Variants in SLC25A42 observed in about 807,000 individuals in gnomAD.
SLC25A42 encodes the protein mitochondrial coenzyme A transporter SLC25A42.
Under a neutral mutation model 34.7 loss-of-function variants are expected in SLC25A42, and 19 were observed. That is an observed-to-expected ratio of 0.55 (90% CI 0.38 to 0.80). The LOEUF is 0.80. SLC25A42 is among the 30% of genes least tolerant of loss of function. The pLI is 0.00. For synonymous variants in SLC25A42, 205 were observed against 191.2 expected (o/e 1.07, Z -0.59); for missense variants, 364 against 441.3 (o/e 0.82, Z 1.57).
At position 19,081,743 on chromosome 19, in the gene SLC25A42, C is replaced by T. The variant is rs1312264302; in HGVS notation, c.-34-14348C>T. On this transcript the variant is annotated intron_variant, in intron 1 of 7. Transcript: ENST00000318596. This position sits in a 1 kb window ranked among gnomAD's most constrained non-coding sequence, Gnocchi z 4.5. ...ACTGCAGCCTACCGTCCAGGCCCTA[C>T]GCTGTCACCCGAGTGGTCCCGTGGT... 6.6e-6 allele frequency among the ~76,000 whole-genome samples: 1 copy of T among 152,236 alleles called. No homozygotes were observed. The highest frequency in any genetic ancestry group is 1.5e-5 in the Non-Finnish European group (1 of 68,040).
At chr19:19,090,037 T>G (rs1014094671) in intron 1 of SLC25A42, among the ~76,000 whole-genome samples, 3 of 152,186 alleles carry the variant, frequency 2.0e-5, no homozygotes, top group African/African-American at 7.2e-5. Flanking sequence ...AGGCAAAAAT[T>G]TTGACAAGTG....
intron 2 of SLC25A42, among the ~76,000 whole-genome samples, chr19:19,097,033 T>C (rs2059769336): frequency 6.6e-6 from 1 of 152,178 alleles, no homozygotes; most frequent in Non-Finnish European, 1.5e-5. Flanking sequence ...AAGTCCACAA[T>C]TCCACTGAAG....
chr19:19,106,951 A>G (rs2059834015), intron 6 of SLC25A42: 1 of 151,210 alleles, frequency 6.6e-6, no homozygotes, highest in Admixed American at 6.6e-5. Flanking sequence ...AAAAAAAAAA[A>G]AAAAAAAAAA....
chr19:19,092,901 G>A (rs1032202572), intron 1 of SLC25A42, among the ~76,000 whole-genome samples: 12 of 152,144 alleles, frequency 7.9e-5, no homozygotes, highest in African/African-American at 1.9e-4. Flanking sequence ...TGATTGTTGT[G>A]GGGGGCGGAG....
At chr19:19,073,749 T>G (rs955236035) in intron 1 of SLC25A42, among the ~76,000 whole-genome samples, 3 of 152,164 alleles carry the variant, frequency 2.0e-5, no homozygotes, top group Non-Finnish European at 4.4e-5. Context: ...AATTTTTGTA[T>G]TTTTAGTAGA....
At chr19:19,099,289 G>A (rs532742521) in intron 2 of SLC25A42, among the ~76,000 whole-genome samples, 72 of 152,254 alleles carry the variant, frequency 4.7e-4, no homozygotes, top group Admixed American at 2.1e-3. Context: ...CAAAATCGCT[G>A]TGCAATCTGT....
chr19:19,110,109 G>T (rs895632010), intron 7 of SLC25A42, among the ~76,000 whole-genome samples: 1 of 152,176 alleles, frequency 6.6e-6, no homozygotes, highest in Non-Finnish European at 1.5e-5. Flanking sequence ...CACTTTGGGA[G>T]GCCGAGGCAG....
chr19:19,064,377 GT>G (rs1265062425), intron 1 of SLC25A42, among the ~76,000 whole-genome samples: 1 of 151,046 alleles, frequency 6.6e-6, no homozygotes, highest in African/African-American at 2.4e-5. Flanking sequence ...CTGGGGCCTT[GT>G]CCCCGGCGCC....
In SLC25A42 at chr19:19,112,086, T is replaced by C. The variant is rs1021876889; in HGVS notation, c.*1210T>C. On this transcript the variant is annotated 3_prime_UTR_variant, in exon 8 of 8. Transcript: ENST00000318596. This position sits in a 1 kb window ranked among gnomAD's most constrained non-coding sequence, Gnocchi z 4.3. ...GACATGGTGAGTTTCTTGATTTCTT[T>C]TTTTTGTTTGTTTTGTTTTGGTTTT... is the stretch of plus-strand genomic sequence containing the variant. The C allele has an allele frequency of 1.3e-5, 2 of 152,264 alleles. No individual in the cohort carries two copies. Among genetic ancestry groups the C allele is most frequent in the African/African-American group, 4.8e-5 (2 of 41,420 alleles). 9.4% of individuals were successfully genotyped at this position (152,264 alleles called of 1,614,324 possible). A position where few individuals can be genotyped will look rare whatever the true frequency, so the allele number is the denominator to read the frequency against.
At chr19:19,076,751 A>G (rs932866890) in intron 1 of SLC25A42, among the ~76,000 whole-genome samples, 25 of 152,308 alleles carry the variant, frequency 1.6e-4, no homozygotes, top group African/African-American at 6.0e-4. Flanking sequence ...TTATGTATAT[A>G]TGCATCCTTG....
intron 1 of SLC25A42, among the ~76,000 whole-genome samples, chr19:19,085,109 A>G (rs1216815101): frequency 1.3e-5 from 2 of 152,134 alleles, no homozygotes. Context: ...GGACTTGGCC[A>G]AACTTCCCTG....
At chr19:19,099,428 G>T (rs893470401) in intron 2 of SLC25A42, among the ~76,000 whole-genome samples, 1 of 152,178 alleles carries the variant, frequency 6.6e-6, no homozygotes, top group Non-Finnish European at 1.5e-5. Context: ...GTGGGAGAGG[G>T]TCTGAGAGCT....
At position 19,105,736 on chromosome 19, in the gene SLC25A42, C is replaced by CCGCCCCGCCCTGCCACAGAAT. The variant is rs1568524117; in HGVS notation, c.380+20_380+40dup. 6.5e-6 allele frequency: 10 copies of CCGCCCCGCCCTGCCACAGAAT among 1,534,072 alleles called. No homozygotes were observed. Among genetic ancestry groups the CCGCCCCGCCCTGCCACAGAAT allele is most frequent in the Admixed American group, 5.9e-5 (3 of 50,778 alleles). ...TATGGCTTCCGTGGAGAGTGAGGCC[C>CCGCCCCGCCCTGCCACAGAAT]CGCCCCGCCCTGCCACAGAATCGCC... On this transcript the variant is annotated intron_variant, in intron 5 of 7. Transcript: ENST00000318596.
In SLC25A42 at chr19:19,108,019, A is replaced by C. The variant is rs1599692607; in HGVS notation, c.623A>C (p.Tyr208Ser). Residue 208 changes from tyrosine to serine, a missense_variant, in exon 7 of 8, where the codon TAT (tyrosine) becomes TCT (serine). By Grantham distance (144) the Tyr-to-Ser change is moderately radical. Transcript: ENST00000318596. Reference protein sequence around the residue: ...IPYAGLSFFTYETLKSLHREY... With the variant: ...IPYAGLSFFTSETLKSLHREY... ...TACGCTGGCCTGAGCTTCTTCACCT[A>C]TGAGACGCTCAAGAGCTTGCACAGA... is the stretch of plus-strand genomic sequence containing the variant. The C allele has an allele frequency of 6.2e-7, 1 of 1,602,338 alleles. No homozygotes were observed. The highest frequency in any genetic ancestry group is 8.5e-7 in the Non-Finnish European group (1 of 1,173,364).
chr19:19,110,948 G>C lies in SLC25A42; in HGVS notation c.*72G>C, dbSNP rs2059861496. On this transcript the variant is annotated 3_prime_UTR_variant, in exon 8 of 8. Coordinates refer to ENST00000318596, the MANE Select transcript of SLC25A42 (RefSeq NM_178526.5). ...ATTCTGGGCCCATGGAACGGTGGGG[G>C]GGTGCGCTTGATTCTACTTCAGGAG... 1 of 1,541,896 alleles carries C rather than the reference G, an allele frequency of 6.5e-7. No homozygotes were observed. Among genetic ancestry groups the C allele is most frequent in the Admixed American group, 1.8e-5 (1 of 55,342 alleles).
chr19:19,110,179 T>C (rs2059855152), intron 7 of SLC25A42, among the ~76,000 whole-genome samples: 1 of 152,060 alleles, frequency 6.6e-6, no homozygotes, highest in Admixed American at 6.6e-5. Context: ...AAACCCTGTC[T>C]CTACTAAAAA....
At chr19:19,073,802 G>A (rs1405773442) in intron 1 of SLC25A42, among the ~76,000 whole-genome samples, 1 of 152,146 alleles carries the variant, frequency 6.6e-6, no homozygotes, top group Non-Finnish European at 1.5e-5. Flanking sequence ...TTGAACTCCC[G>A]ACCTTAAATG....
Position 19,092,260 on chromosome 19 carries a change from C to T in SLC25A42, c.-34-3831C>T, listed in dbSNP as rs543703723. On this transcript the variant is annotated intron_variant, in intron 1 of 7. Transcript: ENST00000318596. ...CCCTTTTTCCTAAAAGCGTCACATT[C>T]ACAGGTTCTGGGGGCAGGGTGTATC... Among the ~76,000 whole-genome samples the T allele has an allele frequency of 9.2e-5, 14 of 152,336 alleles. No homozygotes were observed. The South Asian group carries it at 2.7e-3, about 29-fold the overall frequency.
intron 1 of SLC25A42, among the ~76,000 whole-genome samples, chr19:19,083,525 C>T (rs1165475122): frequency 2.0e-5 from 3 of 152,222 alleles, no homozygotes; most frequent in Admixed American, 6.5e-5. Flanking sequence ...TCTCCAGCCT[C>T]GGCTCTCTGG....
Sources: allele counts gnomAD v4.1 joint callset (sites outside exome capture counted in the v4.1 genomes callset), GRCh38; gene constraint gnomAD v4.1.1; non-coding constraint Gnocchi (gnomAD v3.1); transcripts MANE v1.5; gene names NCBI Gene and HGNC (gene_info 2026-07-23, HGNC 2026-07-21).